The following AHNAK2 variants were observed in gnomAD, a reference collection of about 807,000 sequenced individuals.
The protein encoded by AHNAK2 is protein AHNAK2.
Under a neutral mutation model 30.7 loss-of-function variants are expected in AHNAK2, and 18 were observed. The observed-to-expected ratio is 0.59, with a 90% CI of 0.41 to 0.87. AHNAK2 has a LOEUF of 0.87. Among genes scored for constraint, AHNAK2 ranks in the 40% least tolerant of loss-of-function variants. AHNAK2 has a pLI of 0.00. For missense variants in AHNAK2, 8,604 were observed against 7,373.0 expected (o/e 1.17, Z -6.11); for synonymous variants, 3,590 against 3,073.8 (o/e 1.17, Z -5.56).
At position 104,948,747 on chromosome 14, in the gene AHNAK2, T is replaced by A. The variant is rs1408187590; in HGVS notation, c.6704A>T (p.His2235Leu). 2 of 1,611,756 alleles carry A rather than the reference T, an allele frequency of 1.2e-6. No homozygotes were observed. ...PVPEEVGLKG[H>L]LPKLQMPSFK... ...ACTGGGCATCTGCAGCTTGGGCAGG[T>A]GCCCTTTGAGGCCGACTTCCTCGGG... is the stretch of plus-strand genomic sequence containing the variant. The change falls in exon 7 of 7, where the codon CAC becomes CTC. Residue 2235 changes from histidine to leucine, a missense_variant. His to Leu is a moderately conservative substitution (Grantham distance 99). Coordinates refer to ENST00000333244, the MANE Select transcript of AHNAK2 (RefSeq NM_138420.4).
Position 104,952,659 on chromosome 14 carries a change from A to G in AHNAK2, c.2792T>C (p.Leu931Pro), listed in dbSNP as rs1003041238. The stretch of plus-strand genomic sequence containing the variant: ...CTTAACATCTATCTGGGGGCCCTTG[A>G]GGTCCACTTTGGGCATCTTGAAACT... ...MPSFKMPKVDLKGPQIDVKGP... is the reference protein window; with the variant it reads ...MPSFKMPKVDPKGPQIDVKGP... The change falls in exon 7 of 7, where the codon CTC becomes CCC. Residue 931 changes from leucine to proline, a missense_variant. Physicochemically the swap from Leu to Pro is moderately conservative, Grantham distance 98. Transcript: ENST00000333244. 1.1e-5 allele frequency: 17 copies of G among 1,611,952 alleles called. No individual in the cohort carries two copies. In the African/African-American group the frequency reaches 2.2e-4, roughly 21 times the overall value.
At position 104,947,284 on chromosome 14, in the gene AHNAK2, C is replaced by T. The variant is rs183733494; in HGVS notation, c.8167G>A (p.Glu2723Lys). Reference protein sequence around the residue: ...DVKLPEGHVPEGAGLKGHLPK... With the variant: ...DVKLPEGHVPKGAGLKGHLPK... ...AGGTGCCCTTTGAGGCCGGCTCCCT[C>T]GGGAACGTGGCCCTCTGGGAGTTTC... is the stretch of plus-strand genomic sequence containing the variant. Residue 2723 changes from glutamate (E) to lysine (K), a missense_variant, in exon 7 of 7, where the codon GAG becomes AAG. Coordinates refer to ENST00000333244, the MANE Select transcript of AHNAK2 (RefSeq NM_138420.4). 5.0e-6 allele frequency: 8 copies of T among 1,611,472 alleles called. No individual in the cohort carries two copies. In the African/African-American group the frequency reaches 6.8e-5, roughly 14 times the overall value.
In AHNAK2 at chr14:104,978,259, G is replaced by C; in HGVS notation, c.-22C>G. On this transcript the variant is annotated 5_prime_UTR_variant, in exon 1 of 7. Transcript: ENST00000333244. ...ACATCGCGGCGGCCAGGCGGTGCGG[G>C]CCTGGCGGCCCGTCGCGTCCAGTCG... 3.4e-6 allele frequency: 4 copies of C among 1,181,318 alleles called. No individual in the cohort carries two copies. The highest frequency in any genetic ancestry group is 4.2e-6 in the Non-Finnish European group (4 of 955,518). The allele number at this position is 1,181,318 out of a possible 1,614,324, so 73.2% of individuals were successfully genotyped here. A position where few individuals can be genotyped will look rare whatever the true frequency, so the allele number is the denominator to read the frequency against.
At chr14:104,962,923 T>C (rs1434277553) in intron 1 of AHNAK2, among the ~76,000 whole-genome samples, 1 of 152,190 alleles carries the variant, frequency 6.6e-6, no homozygotes, top group Non-Finnish European at 1.5e-5. Flanking sequence ...GAAGAAAATA[T>C]AGGAGAACTT....
chr14:104,943,179 T>A lies in AHNAK2; in HGVS notation c.12272A>T (p.Asp4091Val). 6.2e-7 allele frequency: 1 copy of A among 1,612,818 alleles called. No homozygotes were observed. The highest frequency in any genetic ancestry group is 8.5e-7 in the Non-Finnish European group (1 of 1,179,514). ...KGPKAEVTAP[D>V]VKMSLSSMEV... ...CATGCTGGACAGAGACATCTTCACA[T>A]CAGGGGCTGTCACTTCCGCCTTGGG... The change falls in exon 7 of 7, where the codon GAT becomes GTT. Residue 4091 changes from aspartate (D) to valine (V), a missense_variant. Asp to Val is a radical substitution (Grantham distance 152). Transcript: ENST00000333244.
rs199996901 is a variant in AHNAK2 at position 104,948,280 on chromosome 14, C to T, written c.7171G>A (p.Val2391Met). 361 of 1,612,344 alleles carry T rather than the reference C, an allele frequency of 2.2e-4. 1 individual carries two copies. The highest frequency in any genetic ancestry group is 2.7e-4 in the Non-Finnish European group (313 of 1,179,538). ...CCTTTGAGGCCGGCTCCCTCCGGCA[C>T]GGGGCCCTCTGGGAGTTTCACATCC... ...QVDVKLPEGP[V>M]PEGAGLKGHL... Residue 2391 changes from valine (V) to methionine (M), a missense_variant, in exon 7 of 7, where the codon GTG becomes ATG. Transcript: ENST00000333244.
At chr14:104,957,761 G>A (rs1057013963) in intron 1 of AHNAK2, 89 bp from the exon 2 acceptor site, 73 of 1,316,784 alleles carry the variant, frequency 5.5e-5, no homozygotes, top group Non-Finnish European at 7.5e-5. Flanking sequence ...TATGTACACT[G>A]TGGAGGTGTC....
rs1220129980 is a variant in AHNAK2, at chr14:104,945,525, T to C, written c.9926A>G (p.Lys3309Arg). The change falls in exon 7 of 7, where the codon AAA becomes AGA. Residue 3309 changes from lysine (K) to arginine (R), a missense_variant. Physicochemically the swap from Lys to Arg is conservative, Grantham distance 26. Transcript: ENST00000333244. ...CGACGGCATCTTGAATTTGGGCATT[T>C]TGAACTTGCTGTCTTTGGCAGTCAC... ...KDVTAKDSKF[K>R]MPKFKMPSYR... 1 of 1,612,204 alleles carries C rather than the reference T, an allele frequency of 6.2e-7. No homozygotes were observed. The highest frequency in any genetic ancestry group is 8.5e-7 in the Non-Finnish European group (1 of 1,179,330).
chr14:104,949,293 T>G lies in AHNAK2; in HGVS notation c.6158A>C (p.Asp2053Ala), dbSNP rs1276397900. The change falls in exon 7 of 7, where the codon GAT (aspartate) becomes GCT (alanine). Residue 2053 changes from aspartate (D) to alanine (A), a missense_variant. Physicochemically the swap from Asp to Ala is moderately radical, Grantham distance 126. Transcript: ENST00000333244. Reference protein sequence around the residue: ...ADLKVQTGQVDVKLPEGHVPE... With the variant: ...ADLKVQTGQVAVKLPEGHVPE... The stretch of plus-strand genomic sequence containing the variant: ...CACGTGGCCCTCCGGGAGCTTCACA[T>G]CCACCTGGCCAGTCTGGACCTTCAG... 9.4e-7 allele frequency: 1 copy of G among 1,063,744 alleles called. No homozygotes were observed. Among genetic ancestry groups the G allele is most frequent in the Non-Finnish European group, 1.4e-6 (1 of 732,644 alleles). The allele number at this position is 1,063,744 out of a possible 1,614,324, so 65.9% of individuals were successfully genotyped here.
At position 104,953,527 on chromosome 14, in the gene AHNAK2, T is replaced by C. The variant is rs759284048; in HGVS notation, c.1924A>G (p.Met642Val). The C allele has an allele frequency of 1.2e-6, 2 of 1,614,066 alleles. No homozygotes were observed. Among genetic ancestry groups the C allele is most frequent in the South Asian group, 2.2e-5 (2 of 91,082 alleles). Residue 642 changes from methionine (M) to valine (V), a missense_variant, in exon 7 of 7, where the codon ATG becomes GTG. Coordinates refer to ENST00000333244, the MANE Select transcript of AHNAK2 (RefSeq NM_138420.4). Reference sequence around the variant, plus strand: ...AGTTGTATTTTTGTTGTGTTTGTCATTGAGTCACTGTCTTCTTTGTCTTTT... The same window carrying C: ...AGTTGTATTTTTGTTGTGTTTGTCACTGAGTCACTGTCTTCTTTGTCTTTT... The part of the protein sequence containing the change: ...GLKDKEDSDS[M>V]TNTTKIQLIH...
At position 104,947,239 on chromosome 14, in the gene AHNAK2, T is replaced by G; in HGVS notation, c.8212A>C (p.Ser2738Arg). 6.2e-7 allele frequency: 1 copy of G among 1,611,720 alleles called. No homozygotes were observed. Residue 2738 changes from serine (S) to arginine (R), a missense_variant, in exon 7 of 7, where the codon AGT becomes CGT. By Grantham distance (110) the Ser-to-Arg change is moderately radical. Coordinates refer to ENST00000333244, the MANE Select transcript of AHNAK2 (RefSeq NM_138420.4). The part of the protein sequence containing the change: ...KGHLPKLQMP[S>R]FKMPEVDLKG... ...AGGTCCACTTCAGGCATCTTGAAAC[T>G]GGGCATCTGCAGCTTGGGCAGGTGC...
In AHNAK2 at chr14:104,953,638, CT is replaced by C. The variant is rs748576246; in HGVS notation, c.1812del (p.Ala605ProfsTer29). 1 of 1,613,948 alleles carries C rather than the reference CT, an allele frequency of 6.2e-7. No homozygotes were observed. The highest frequency in any genetic ancestry group is 1.1e-5 in the South Asian group (1 of 91,080). On this transcript the variant is annotated frameshift_variant, in exon 7 of 7. Transcript: ENST00000333244. LOFTEE classifies it low-confidence loss of function (END_TRUNC). ...CTTCCCTGCTCTGTGTCTTCTGTGG[CT>C]TTTTCTCTGCCTGTCTTTGTGTGCT... Reference protein sequence around the residue: ...PSKHTKTGREKATEDTEQGRE... With the variant: ...PSKHTKTGREXATEDTEQGRE...
At position 104,943,177 on chromosome 14, in the gene AHNAK2, C is replaced by T. The variant is rs1168199842; in HGVS notation, c.12274G>A (p.Val4092Met). 15 of 1,613,402 alleles carry T rather than the reference C, an allele frequency of 9.3e-6. No individual in the cohort carries two copies. The South Asian group carries it at 1.3e-4, about 14-fold the overall frequency. The change falls in exon 7 of 7, where the codon GTG becomes ATG. Residue 4092 changes from valine to methionine, a missense_variant. Physicochemically the swap from Val to Met is conservative, Grantham distance 21. Coordinates refer to ENST00000333244, the MANE Select transcript of AHNAK2 (RefSeq NM_138420.4). ...GPKAEVTAPD[V>M]KMSLSSMEVD... is the part of the protein sequence containing the mutation. ...TCCATGCTGGACAGAGACATCTTCACATCAGGGGCTGTCACTTCCGCCTTG... is the reference window on the plus strand; with the variant it reads ...TCCATGCTGGACAGAGACATCTTCATATCAGGGGCTGTCACTTCCGCCTTG...
rs2140831163 is a variant in AHNAK2 at position 104,944,287 on chromosome 14, G to A, written c.11164C>T (p.Pro3722Ser). The change falls in exon 7 of 7, where the codon CCC becomes TCC. Residue 3722 changes from proline to serine, a missense_variant. Physicochemically the swap from Pro to Ser is moderately conservative, Grantham distance 74. Transcript: ENST00000333244. The stretch of plus-strand genomic sequence containing the variant: ...TTCAAACTGGGCATCTCCACCTTGG[G>A]CAGGTGCTCTTTGAGGCCGGCTCCC... ...PEGAGLKEHL[P>S]KVEMPSLKMP... 1 of 1,612,996 alleles carries A rather than the reference G, an allele frequency of 6.2e-7. No homozygotes were observed. Among genetic ancestry groups the A allele is most frequent in the East Asian group, 2.2e-5 (1 of 44,736 alleles).
Position 104,949,625 on chromosome 14 carries a change from C to A in AHNAK2, c.5826G>T (p.Val1942=). ...GAGACACCTCGACATCGGGGGCTGT[C>A]ACTTCCGCCTTGGGGCCTTTCAGGT... The part of the protein sequence containing the change: ...KLDLKGPKAE[V]TAPDVEVSLP... Residue 1942 remains valine, a synonymous_variant, in exon 7 of 7, where the codon GTG becomes GTT. Transcript: ENST00000333244. The A allele has an allele frequency of 1.3e-6, 2 of 1,589,110 alleles. 1 individual carries two copies. Among genetic ancestry groups the A allele is most frequent in the Non-Finnish European group, 1.7e-6 (2 of 1,163,438 alleles).
Position 104,940,869 on chromosome 14 carries a change from G to A in AHNAK2, c.14582C>T (p.Ser4861Phe), listed in dbSNP as rs1373416884. The A allele has an allele frequency of 6.2e-7, 1 of 1,612,866 alleles. No individual in the cohort carries two copies. Among genetic ancestry groups the A allele is most frequent in the East Asian group, 2.2e-5 (1 of 44,902 alleles). ...CTTTGGTTTATAGAATTTAGGAAAA[G>A]ATACCTGACCAAGAGAAACAGGAAT... is the stretch of plus-strand genomic sequence containing the variant. ...SMIPVSLGQV[S>F]FPKFYKPKFV... is the part of the protein sequence containing the mutation. The change falls in exon 7 of 7, where the codon TCT becomes TTT. Residue 4861 changes from serine (S) to phenylalanine (F), a missense_variant. Coordinates refer to ENST00000333244, the MANE Select transcript of AHNAK2 (RefSeq NM_138420.4). This position sits in a 1 kb window ranked among gnomAD's most constrained non-coding sequence, Gnocchi z 4.4.
rs1898899352 is a variant in AHNAK2 at position 104,954,260 on chromosome 14, T to C, written c.1191A>G (p.Thr397=). The C allele has an allele frequency of 6.2e-7, 1 of 1,613,216 alleles. No individual in the cohort carries two copies. The highest frequency in any genetic ancestry group is 1.6e-4 in the Middle Eastern group (1 of 6,062). ...CGCAAAGTCTAGGGTCACCGAGCTC[T>C]GTGGGCAATGGCATGCTCTGAGCAG... ...VMPAQSMPLP[T]ELGDPRLCEG... The change falls in exon 7 of 7, where the codon ACA becomes ACG. Residue 397 remains threonine (T), a synonymous_variant. Coordinates refer to ENST00000333244, the MANE Select transcript of AHNAK2 (RefSeq NM_138420.4). This position sits in a 1 kb window ranked among gnomAD's most constrained non-coding sequence, Gnocchi z 4.3.
At position 104,944,352 on chromosome 14, in the gene AHNAK2, C is replaced by T; in HGVS notation, c.11099G>A (p.Gly3700Asp). Residue 3700 changes from glycine (G) to aspartate (D), a missense_variant, in exon 7 of 7, where the codon GGC (glycine) becomes GAC (aspartate). Coordinates refer to ENST00000333244, the MANE Select transcript of AHNAK2 (RefSeq NM_138420.4). ...CTCCGGGAGCTTCACATCCATCTGGCCAGCCTGGACCTTCAGGTCGGCAGA... is the reference window on the plus strand; with the variant it reads ...CTCCGGGAGCTTCACATCCATCTGGTCAGCCTGGACCTTCAGGTCGGCAGA... ...PPSADLKVQA[G>D]QMDVKLPEGQ... 1 of 1,612,274 alleles carries T rather than the reference C, an allele frequency of 6.2e-7. No individual in the cohort carries two copies. The highest frequency in any genetic ancestry group is 8.5e-7 in the Non-Finnish European group (1 of 1,179,362).
Position 104,950,745 on chromosome 14 carries a change from C to A in AHNAK2, c.4706G>T (p.Gly1569Val), listed in dbSNP as rs376661038. 6.3e-7 allele frequency: 1 copy of A among 1,587,862 alleles called. No individual in the cohort carries two copies. The highest frequency in any genetic ancestry group is 1.4e-5 in the African/African-American group (1 of 73,730). The change falls in exon 7 of 7, where the codon GGA becomes GTA. Residue 1569 changes from glycine to valine, a missense_variant. Coordinates refer to ENST00000333244, the MANE Select transcript of AHNAK2 (RefSeq NM_138420.4). Reference sequence around the variant, plus strand: ...GGGCAGGTGCCCTTTGAGGCCGGCTCCCTCGGACACAGGGCCCTCTGGGAG... The same window carrying A: ...GGGCAGGTGCCCTTTGAGGCCGGCTACCTCGGACACAGGGCCCTCTGGGAG... ...VKLPEGPVSE[G>V]AGLKGHLPKV...
Sources: allele counts gnomAD v4.1 joint callset (sites outside exome capture counted in the v4.1 genomes callset), GRCh38; gene constraint gnomAD v4.1.1; non-coding constraint Gnocchi (gnomAD v3.1); transcripts MANE v1.5; gene names NCBI Gene and HGNC (gene_info 2026-07-23, HGNC 2026-07-21).